FNDC3B: variants seen among roughly 807,000 people sequenced by gnomAD.
The protein encoded by FNDC3B is fibronectin type III domain containing 3B.
Under a neutral mutation model 151.5 loss-of-function variants are expected in FNDC3B, and 12 were observed. The observed-to-expected ratio is 0.08, with a 90% CI of 0.05 to 0.13. FNDC3B has a LOEUF of 0.13. Among genes scored for constraint, FNDC3B ranks in the 10% least tolerant of loss-of-function variants. FNDC3B has a pLI of 1.00. For missense variants in FNDC3B, 1,214 were observed against 1,505.3 expected, an observed-to-expected ratio of 0.81 and a Z score of 3.20; for synonymous variants, 528 against 549.0, an observed-to-expected ratio of 0.96 and a Z score of 0.54.
At chr3:172,261,133 A>G (rs569499229) in intron 6 of FNDC3B, among the ~76,000 whole-genome samples, 1 of 152,252 alleles carries the variant, frequency 6.6e-6, no homozygotes, top group South Asian at 2.1e-4. Flanking sequence ...TGTCTTCCGC[A>G]TTCTGTGGGC....
At chr3:172,281,017 G>A (rs368191798) in intron 6 of FNDC3B, among the ~76,000 whole-genome samples, 1 of 151,502 alleles carries the variant, frequency 6.6e-6, no homozygotes, top group East Asian at 1.9e-4. Context: ...AAAGACTTGT[G>A]TCTCTAAGCT....
intron 22 of FNDC3B, among the ~76,000 whole-genome samples, chr3:172,357,583 A>G (rs1056678559): frequency 6.6e-6 from 1 of 152,130 alleles, no homozygotes; most frequent in Non-Finnish European, 1.5e-5. Flanking sequence ...TTAGGAAATT[A>G]TTTTCCCATA....
At chr3:172,311,809 C>T (rs1731515164) in intron 11 of FNDC3B, among the ~76,000 whole-genome samples, 1 of 150,022 alleles carries the variant, frequency 6.7e-6, no homozygotes, top group African/African-American at 2.4e-5. Flanking sequence ...ACCCAGGAGG[C>T]AGAGCTTGCA....
rs558770279 is a variant in FNDC3B at position 172,319,522 on chromosome 3, C to A, written c.1254+8641C>A. ...AGTGTGCTGAGGGATAAAATGCCTC[C>A]CTGTTTATTTGGTAACATGGAACCA... On this transcript the variant is annotated intron_variant, in intron 11 of 25. Coordinates refer to ENST00000415807, the MANE Select transcript of FNDC3B (RefSeq NM_022763.4). 2.8e-4 allele frequency among the ~76,000 whole-genome samples: 43 copies of A among 152,274 alleles called. No homozygotes were observed. The South Asian group carries it at 8.7e-3, about 31-fold the overall frequency.
At chr3:172,164,596 A>G (rs1722919569) in intron 3 of FNDC3B, among the ~76,000 whole-genome samples, 1 of 152,232 alleles carries the variant, frequency 6.6e-6, no homozygotes, top group South Asian at 2.1e-4. Flanking sequence ...AATGAGAACA[A>G]ATAAGATTAT....
At chr3:172,228,974 T>C (rs1249390503) in intron 4 of FNDC3B, among the ~76,000 whole-genome samples, 1 of 151,964 alleles carries the variant, frequency 6.6e-6, no homozygotes, top group African/African-American at 2.4e-5. Context: ...GTACACACAC[T>C]TCAATGAAAT....
chr3:172,137,688 G>A (rs1368145064), intron 3 of FNDC3B, among the ~76,000 whole-genome samples: 2 of 152,156 alleles, frequency 1.3e-5, no homozygotes, highest in African/African-American at 4.8e-5. Context: ...TGTCCTTGGT[G>A]ATAAGGAAGA....
chr3:172,264,813 A>G (rs1728836276), intron 6 of FNDC3B, among the ~76,000 whole-genome samples: 1 of 152,220 alleles, frequency 6.6e-6, no homozygotes, highest in East Asian at 1.9e-4. Flanking sequence ...TTTTAAGACT[A>G]TGTTACAAGC....
At chr3:172,063,216 A>G (rs1483694299) in intron 1 of FNDC3B, among the ~76,000 whole-genome samples, 1 of 151,972 alleles carries the variant, frequency 6.6e-6, no homozygotes, top group Non-Finnish European at 1.5e-5. Flanking sequence ...CTTTTTCTAC[A>G]GTCTATTCTT....
chr3:172,185,789 C>A (rs973959213), intron 3 of FNDC3B, among the ~76,000 whole-genome samples: 1 of 152,118 alleles, frequency 6.6e-6, no homozygotes, highest in East Asian at 1.9e-4. Context: ...GACGTATTTG[C>A]GGTGCTTTTT....
intron 3 of FNDC3B, among the ~76,000 whole-genome samples, chr3:172,140,205 ATTACTC>A (rs1721551790): frequency 6.6e-6 from 1 of 152,174 alleles, no homozygotes; most frequent in African/African-American, 2.4e-5. Context: ...GAAAATCTGA[ATTACTC>A]TACCAACTCT....
intron 3 of FNDC3B, among the ~76,000 whole-genome samples, chr3:172,188,680 C>G (rs1724334901): frequency 6.6e-6 from 1 of 152,180 alleles, no homozygotes; most frequent in African/African-American, 2.4e-5. Context: ...GCTGGGAATA[C>G]AGGTGTGAGC....
At chr3:172,129,329 A>G (rs1720956229) in intron 2 of FNDC3B, among the ~76,000 whole-genome samples, 2 of 152,108 alleles carry the variant, frequency 1.3e-5, no homozygotes, top group African/African-American at 2.4e-5. Flanking sequence ...AGTGACTGGT[A>G]ATTTTTTTAT....
chr3:172,384,226 A>G (rs1247849047), intron 25 of FNDC3B, among the ~76,000 whole-genome samples: 2 of 152,248 alleles, frequency 1.3e-5, no homozygotes, highest in Non-Finnish European at 2.9e-5. Context: ...ACTTTATCCT[A>G]AATATGACAT....
chr3:172,318,957 G>A (rs891523305), intron 11 of FNDC3B, among the ~76,000 whole-genome samples: 2 of 152,150 alleles, frequency 1.3e-5, no homozygotes, highest in Non-Finnish European at 2.9e-5. Flanking sequence ...ATCTTTAGGT[G>A]CCACTTCATG....
chr3:172,365,146 A>ATAT (rs1360027375), intron 23 of FNDC3B, among the ~76,000 whole-genome samples: 3 of 152,186 alleles, frequency 2.0e-5, no homozygotes, highest in African/African-American at 7.2e-5. Context: ...TGAGTTGGAT[A>ATAT]CATCATAATA....
intron 25 of FNDC3B, among the ~76,000 whole-genome samples, chr3:172,385,163 A>T (rs1482751748): frequency 6.6e-6 from 1 of 152,210 alleles, no homozygotes; most frequent in Non-Finnish European, 1.5e-5. Context: ...GAGCTAGGGA[A>T]TGAAACATAT....
intron 25 of FNDC3B, among the ~76,000 whole-genome samples, chr3:172,382,995 A>G (rs950083317): frequency 2.6e-5 from 4 of 152,106 alleles, no homozygotes; most frequent in Admixed American, 2.6e-4. Context: ...GTTTTTTCTG[A>G]TTCTGTGAAG....
chr3:172,185,789 C>T (rs973959213), intron 3 of FNDC3B, among the ~76,000 whole-genome samples: 8 of 152,236 alleles, frequency 5.3e-5, no homozygotes, highest in South Asian at 4.1e-4. Context: ...GACGTATTTG[C>T]GGTGCTTTTT....
Sources: allele counts gnomAD v4.1 joint callset (sites outside exome capture counted in the v4.1 genomes callset), GRCh38; gene constraint gnomAD v4.1.1; transcripts MANE v1.5; gene names NCBI Gene and HGNC (gene_info 2026-07-23, HGNC 2026-07-21).